NME8: variants seen among roughly 807,000 people sequenced by gnomAD.
NME8 encodes NME/NM23 family member 8.
A neutral mutation model predicts 82.3 loss-of-function variants in NME8; 72 were observed. That is an observed-to-expected ratio of 0.87 (90% CI 0.72 to 1.06). NME8 has a LOEUF of 1.06. Among genes scored for constraint, NME8 ranks in the 50% least tolerant of loss-of-function variants. The probability of loss-of-function intolerance (pLI) is 0.00; values close to 1 mark genes in which losing one functional copy is unlikely to be tolerated. For missense variants in NME8, 712 were observed against 685.4 expected, an observed-to-expected ratio of 1.04 and a Z score of -0.43; for synonymous variants, 267 against 228.5, an observed-to-expected ratio of 1.17 and a Z score of -1.52.
intron 13 of NME8, 92 bp from the exon 14 acceptor site, chr7:37,885,053 T>G: frequency 3.9e-6 from 3 of 775,946 alleles, no homozygotes; most frequent in Non-Finnish European, 6.7e-6. Flanking sequence ...ATGTTTTTGA[T>G]CTATTTAACA....
Position 37,888,384 on chromosome 7 carries a change from G to A in NME8, c.1355G>A (p.Ser452Asn), listed in dbSNP as rs1785075760. The A allele has an allele frequency of 2.5e-6, 4 of 1,613,248 alleles. No individual in the cohort carries two copies. Among genetic ancestry groups the A allele is most frequent in the Non-Finnish European group, 3.4e-6 (4 of 1,179,604 alleles). ...REIQHFFPLQ[S>N]TLGLIKPHAT... ...ATACAGCATTTCTTTCCTCTTCAAAGCACTTTAGGCTTGATTAAACCTCAT... is the reference window on the plus strand; with the variant it reads ...ATACAGCATTTCTTTCCTCTTCAAAACACTTTAGGCTTGATTAAACCTCAT... Residue 452 changes from serine (S) to asparagine (N), a missense_variant, in exon 15 of 18, where the codon AGC becomes AAC. Coordinates refer to ENST00000199447, the MANE Select transcript of NME8 (RefSeq NM_016616.5).
At chr7:37,880,434 G>A (rs1177428544) in intron 12 of NME8, among the ~76,000 whole-genome samples, 2 of 152,136 alleles carry the variant, frequency 1.3e-5, no homozygotes, top group East Asian at 1.9e-4. Flanking sequence ...AATTATTTCA[G>A]CACCATTTGT....
At chr7:37,862,687 G>A (rs891850005) in intron 7 of NME8, among the ~76,000 whole-genome samples, 3 of 151,502 alleles carry the variant, frequency 2.0e-5, no homozygotes, top group Admixed American at 6.6e-5. Context: ...TTCCAAATTT[G>A]CTGAGAGTAA....
At chr7:37,892,093 A>C (rs1164935661) in intron 15 of NME8, among the ~76,000 whole-genome samples, 1 of 151,858 alleles carries the variant, frequency 6.6e-6, no homozygotes, top group Non-Finnish European at 1.5e-5. Context: ...CTTTCAAGAA[A>C]CCTGGTGCCA....
At chr7:37,884,766 T>G (rs1311805324) in intron 13 of NME8, among the ~76,000 whole-genome samples, 3 of 152,242 alleles carry the variant, frequency 2.0e-5, no homozygotes, top group African/African-American at 7.2e-5. Context: ...AGAGCTTTTG[T>G]AATCTTATAG....
At chr7:37,897,180 TA>T in intron 17 of NME8, 73 bp downstream of exon 17, 1 of 941,662 alleles carries the variant, frequency 1.1e-6, no homozygotes, top group Non-Finnish European at 1.7e-6. Flanking sequence ...AAACCTGTCC[TA>T]AAAAGAGAAG....
chr7:37,875,935 C>T (rs1456068439), intron 11 of NME8, among the ~76,000 whole-genome samples: 12 of 151,972 alleles, frequency 7.9e-5, no homozygotes, highest in African/African-American at 9.7e-5. Flanking sequence ...TGACTGGGCG[C>T]GGTGGCTCAC....
rs1333591602 is a variant in NME8, at chr7:37,857,277, GA to G, written c.204del (p.Ala69LeufsTer5). On this transcript the variant is annotated frameshift_variant, in exon 6 of 18. Coordinates refer to ENST00000199447, the MANE Select transcript of NME8 (RefSeq NM_016616.5). LOFTEE classifies it high-confidence loss of function. ...ATGAAATGTTTACTTTTTCCAGGCAGAAGCTGACAACATTGTGACTTTGCAG... is the reference window on the plus strand; with the variant it reads ...ATGAAATGTTTACTTTTTCCAGGCAGAGCTGACAACATTGTGACTTTGCAG... ...EDEILHFAVA[E>X]ADNIVTLQPF... 1.9e-6 allele frequency: 3 copies of G among 1,609,342 alleles called. No homozygotes were observed. The highest frequency in any genetic ancestry group is 2.5e-6 in the Non-Finnish European group (3 of 1,176,754).
rs1784574125 is a variant in NME8 at position 37,859,923 on chromosome 7, CA to C, written c.271-2100del. Among the ~76,000 whole-genome samples, 6 of 152,320 alleles carry C rather than the reference CA, an allele frequency of 3.9e-5. No homozygotes were observed. The East Asian group carries it at 9.6e-4, about 24-fold the overall frequency. The stretch of plus-strand genomic sequence containing the variant: ...ATTTAAGAATAGAATTCTGTGATCA[CA>C]AAAACACCATCAAGTCCAATGCTCA... On this transcript the variant is annotated intron_variant, in intron 6 of 17. Coordinates refer to ENST00000199447, the MANE Select transcript of NME8 (RefSeq NM_016616.5).
chr7:37,856,874 T>C (rs904694168), intron 5 of NME8, among the ~76,000 whole-genome samples: 2 of 152,024 alleles, frequency 1.3e-5, no homozygotes, highest in African/African-American at 2.4e-5. Flanking sequence ...GTGCCTGTAG[T>C]AGAATATTGA....
At chr7:37,863,798 T>C (rs761976470) in intron 8 of NME8, among the ~76,000 whole-genome samples, 1 of 152,208 alleles carries the variant, frequency 6.6e-6, no homozygotes, top group African/African-American at 2.4e-5. Context: ...TGATGACCCA[T>C]ACTCTTGGTT....
intron 14 of NME8, 137 bp from the exon 15 acceptor site, chr7:37,888,140 T>C: frequency 1.2e-6 from 1 of 818,126 alleles, no homozygotes; most frequent in Non-Finnish European, 2.1e-6. Context: ...AGCCGCCATG[T>C]ACTTACTTCC....
At chr7:37,850,756 A>T in intron 5 of NME8, 21 bp downstream of exon 5, 3 of 1,474,706 alleles carry the variant, frequency 2.0e-6, no homozygotes, top group South Asian at 1.1e-5. Context: ...TGTTTTCATT[A>T]AACCACTGTT....
chr7:37,893,420 A>G lies in NME8; in HGVS notation c.1400-1046A>G, dbSNP rs73691371. On this transcript the variant is annotated intron_variant, in intron 15 of 17. Transcript: ENST00000199447. ...CCTTGTTGTTTTTAGAGGAAAGTCCAGATTTCTTCACAGGGCATAGCTCTT... is the reference window on the plus strand; with the variant it reads ...CCTTGTTGTTTTTAGAGGAAAGTCCGGATTTCTTCACAGGGCATAGCTCTT... Among the ~76,000 whole-genome samples the G allele has an allele frequency of 5.7e-3, 866 of 152,270 alleles. 10 individuals are homozygous for G. The highest frequency in any genetic ancestry group is 0.02 in the African/African-American group (826 of 41,572).
chr7:37,895,895 C>T (rs1785220795), intron 16 of NME8, among the ~76,000 whole-genome samples: 1 of 152,080 alleles, frequency 6.6e-6, no homozygotes, highest in South Asian at 2.1e-4. Flanking sequence ...ACCAGATAGC[C>T]TAGGTGTGTA....
In NME8 at chr7:37,885,176, G is replaced by C. The variant is rs1421139293; in HGVS notation, c.1171G>C (p.Asp391His). The C allele has an allele frequency of 6.2e-7, 1 of 1,613,070 alleles. No individual in the cohort carries two copies. The highest frequency in any genetic ancestry group is 1.1e-5 in the South Asian group (1 of 91,038). Reference sequence around the variant, plus strand: ...ATCTCTAGCCCTTGTTTTATTGAGAGACAATGGCTTGCAATACTGGAAACA... The same window carrying C: ...ATCTCTAGCCCTTGTTTTATTGAGACACAATGGCTTGCAATACTGGAAACA... ...GPSLALVLLRDNGLQYWKQLL... is the reference protein window; with the variant it reads ...GPSLALVLLRHNGLQYWKQLL... Residue 391 changes from aspartate (D) to histidine (H), a missense_variant, in exon 14 of 18, where the codon GAC (aspartate) becomes CAC (histidine). Physicochemically the swap from Asp to His is moderately conservative, Grantham distance 81. Transcript: ENST00000199447.
chr7:37,892,550 C>T (rs1250726300), intron 15 of NME8, among the ~76,000 whole-genome samples: 1 of 151,786 alleles, frequency 6.6e-6, no homozygotes, highest in African/African-American at 2.4e-5. Context: ...CACGTGTAGA[C>T]ATGCTTATCT....
intron 17 of NME8, among the ~76,000 whole-genome samples, chr7:37,899,704 G>A (rs1785285100): frequency 6.6e-6 from 1 of 152,026 alleles, no homozygotes; most frequent in Admixed American, 6.6e-5. Context: ...AAAAAAGTAG[G>A]CCTTTAATAA....
At chr7:37,858,666 A>G (rs1784548731) in intron 6 of NME8, among the ~76,000 whole-genome samples, 2 of 152,158 alleles carry the variant, frequency 1.3e-5, no homozygotes, top group Non-Finnish European at 2.9e-5. Flanking sequence ...AGGAGGCTTT[A>G]GCTGCACGTA....
Sources: allele counts gnomAD v4.1 joint callset (sites outside exome capture counted in the v4.1 genomes callset), GRCh38; gene constraint gnomAD v4.1.1; transcripts MANE v1.5; gene names NCBI Gene and HGNC (gene_info 2026-07-23, HGNC 2026-07-21).